SBF1: variants seen among roughly 807,000 people sequenced by gnomAD.
The protein encoded by SBF1 is SET binding factor 1.
A neutral mutation model predicts 215.8 loss-of-function variants in SBF1; 65 were observed. The observed-to-expected ratio is 0.30, with a 90% confidence interval of 0.25 to 0.37. SBF1 has a LOEUF of 0.37. Among genes scored for constraint, SBF1 ranks in the 10% least tolerant of loss-of-function variants. The probability of loss-of-function intolerance (pLI) is 1.00; values close to 1 mark genes in which losing one functional copy is unlikely to be tolerated. For synonymous variants in SBF1, 1,410 were observed against 1,122.8 expected, an observed-to-expected ratio of 1.26 and a Z score of -5.11; for missense variants, 2,634 against 2,667.8, an observed-to-expected ratio of 0.99 and a Z score of 0.28.
At position 50,460,260 on chromosome 22, in the gene SBF1, C is replaced by T. The variant is rs753794307; in HGVS notation, c.3283+12G>A. The stretch of plus-strand genomic sequence containing the variant: ...CCAGAGACCACCCAGGACTCCACCC[C>T]CACCCCTCCACCTGAGATCTCGTCC... On this transcript the variant is annotated intron_variant, in intron 25 of 40. Coordinates refer to ENST00000380817, the MANE Select transcript of SBF1 (RefSeq NM_002972.4). 6.2e-7 allele frequency: 1 copy of T among 1,601,232 alleles called. No homozygotes were observed. Among genetic ancestry groups the T allele is most frequent in the Non-Finnish European group, 8.5e-7 (1 of 1,171,708 alleles).
intron 23 of SBF1, 101 bp downstream of exon 23, chr22:50,461,058 T>C (rs1430745532): frequency 2.1e-6 from 3 of 1,443,658 alleles, no homozygotes; most frequent in East Asian, 4.7e-5. Context: ...ACAGGGCCAC[T>C]GCTGGAGACT....
chr22:50,453,121 A>G (rs2067112752), intron 36 of SBF1, among the ~76,000 whole-genome samples: 1 of 152,252 alleles, frequency 6.6e-6, no homozygotes, highest in Middle Eastern at 3.2e-3. Context: ...TAGACTGGAT[A>G]ACAAGAAGAC....
rs1016420533 is a variant in SBF1, at chr22:50,468,576, C to T, written c.56-115G>A. On this transcript the variant is annotated intron_variant, in intron 1 of 40. Coordinates refer to ENST00000380817, the MANE Select transcript of SBF1 (RefSeq NM_002972.4). The stretch of plus-strand genomic sequence containing the variant: ...ACTGGGCCCTCATCTGGCACCAGAT[C>T]AGCCACAGCTCCCTAAAAATAGCTC... The T allele has an allele frequency of 2.2e-5, 15 of 677,294 alleles. No individual in the cohort carries two copies. In the African/African-American group the frequency reaches 2.8e-4, roughly 13 times the overall value. The allele number at this position is 677,294 out of a possible 1,614,324, so 42.0% of individuals were successfully genotyped here.
At chr22:50,461,365 T>C (rs1046722021) in intron 22 of SBF1, 79 bp from the exon 23 acceptor site, 20 of 1,530,202 alleles carry the variant, frequency 1.3e-5, no homozygotes, top group Admixed American at 3.9e-5. Context: ...ACCACAGTTA[T>C]GGGGAATCCC....
At chr22:50,469,223 C>A (rs748067679) in intron 1 of SBF1, among the ~76,000 whole-genome samples, 34 of 152,222 alleles carry the variant, frequency 2.2e-4, no homozygotes, top group Admixed American at 6.5e-5. Context: ...GTGGTCACAC[C>A]CAGGCCTGCT....
chr22:50,466,789 G>A (rs1398917080), intron 5 of SBF1, 79 bp from the exon 6 acceptor site: 1 of 1,023,736 alleles, frequency 9.8e-7, no homozygotes, highest in East Asian at 2.7e-5. Flanking sequence ...GTGTCCCCAG[G>A]CAGACCCTGG....
rs369626870 is a variant in SBF1 at position 50,460,103 on chromosome 22, C to T, written c.3340G>A (p.Asp1114Asn). The change falls in exon 26 of 41, where the codon GAC (aspartate) becomes AAC (asparagine). Residue 1114 changes from aspartate to asparagine, a missense_variant. Transcript: ENST00000380817. ...LTPSSALKPSDRMTMSSLVER... is the reference protein window; with the variant it reads ...LTPSSALKPSNRMTMSSLVER... Reference sequence around the variant, plus strand: ...ACCAGGCTGCTCATGGTCATGCGGTCGGAGGGCTTCAGGGCTGAGGACGGG... The same window carrying T: ...ACCAGGCTGCTCATGGTCATGCGGTTGGAGGGCTTCAGGGCTGAGGACGGG... 2.5e-5 allele frequency: 41 copies of T among 1,613,462 alleles called. No individual in the cohort carries two copies. Among genetic ancestry groups the T allele is most frequent in the Admixed American group, 6.7e-5 (4 of 59,994 alleles).
rs769700278 is a variant in SBF1 at position 50,467,424 on chromosome 22, T to C, written c.463A>G (p.Ile155Val). ...CACACATTCAGGCCCTCCACGTGGATGGCATAGATGAGGCCAAGGCTGTTC... is the reference window on the plus strand; with the variant it reads ...CACACATTCAGGCCCTCCACGTGGACGGCATAGATGAGGCCAAGGCTGTTC... ...FRNSLGLIYA[I>V]HVEGLNVCLE... Residue 155 changes from isoleucine to valine, a missense_variant, in exon 5 of 41, where the codon ATC becomes GTC. Coordinates refer to ENST00000380817, the MANE Select transcript of SBF1 (RefSeq NM_002972.4). The C allele has an allele frequency of 1.9e-6, 3 of 1,614,052 alleles. No individual in the cohort carries two copies. Among genetic ancestry groups the C allele is most frequent in the South Asian group, 1.1e-5 (1 of 91,078 alleles).
In SBF1 at chr22:50,456,615, G is replaced by T; in HGVS notation, c.3963C>A (p.Gly1321=). 1 of 1,520,936 alleles carries T rather than the reference G, an allele frequency of 6.6e-7. No individual in the cohort carries two copies. The highest frequency in any genetic ancestry group is 8.8e-7 in the Non-Finnish European group (1 of 1,136,516). 94.2% of individuals were successfully genotyped at this position (1,520,936 alleles called of 1,614,324 possible). ...GRSSGLGTDV[G]SRLAGRDALA... ...GCGCGTCTCTGCCAGCTAGCCGGGA[G>T]CCCACATCGGTGCCAAGGCCACTGC... Residue 1321 remains glycine (G), a synonymous_variant, in exon 30 of 41, where the codon GGC becomes GGA. Transcript: ENST00000380817.
In SBF1 at chr22:50,465,768, T is replaced by A. The variant is rs1271903558; in HGVS notation, c.1084A>T (p.Met362Leu). The A allele has an allele frequency of 1.9e-6, 3 of 1,604,726 alleles. No homozygotes were observed. The highest frequency in any genetic ancestry group is 2.2e-5 in the South Asian group (2 of 89,784). Reference sequence around the variant, plus strand: ...GGAGCAGCAACGACCCCCACCTGCATCTTCAGGGAGGAGGTGGATGTCGTG... The same window carrying A: ...GGAGCAGCAACGACCCCCACCTGCAACTTCAGGGAGGAGGTGGATGTCGTG... The part of the protein sequence containing the change: ...PPTTSTSSLK[M>L]QDKELRAVFL... Residue 362 changes from methionine to leucine, a missense_variant, in exon 10 of 41, where the codon ATG (methionine) becomes TTG (leucine). By Grantham distance (15) the Met-to-Leu change is conservative. Transcript: ENST00000380817.
chr22:50,474,751 GC>G, intron 1 of SBF1, 34 bp downstream of exon 1: 12 of 1,456,654 alleles, frequency 8.2e-6, no homozygotes, highest in South Asian at 1.3e-5. Context: ...TCGACCCTCG[GC>G]CCCCGGCCCT....
intron 28 of SBF1, 29 bp downstream of exon 28, chr22:50,459,226 C>T: frequency 1.3e-6 from 2 of 1,580,464 alleles, no homozygotes; most frequent in Non-Finnish European, 8.6e-7. Flanking sequence ...AGTGCCCCTG[C>T]CCCACCGTCT....
chr22:50,448,162 C>G (rs1375941897), intron 38 of SBF1, 71 bp downstream of exon 38: 1 of 1,476,594 alleles, frequency 6.8e-7, no homozygotes, highest in African/African-American at 1.4e-5. Flanking sequence ...AATCTCCCAC[C>G]AGAGGACTGC....
chr22:50,456,430 T>C (rs762205912), intron 30 of SBF1, 35 bp from the exon 31 acceptor site: 27 of 1,599,982 alleles, frequency 1.7e-5, no homozygotes, highest in African/African-American at 1.4e-4. Flanking sequence ...GTGAGACACA[T>C]GAGGCCCCAA....
intron 28 of SBF1, among the ~76,000 whole-genome samples, chr22:50,458,553 C>T (rs1030325285): frequency 2.0e-5 from 3 of 152,008 alleles, no homozygotes; most frequent in Admixed American, 6.6e-5. Flanking sequence ...CAAGACAGGG[C>T]GATTGTAAAA....
At chr22:50,474,700 C>CCGGCCCT in intron 1 of SBF1, 86 bp downstream of exon 1, 8 of 1,197,434 alleles carry the variant, frequency 6.7e-6, no homozygotes, top group Non-Finnish European at 7.9e-6. Context: ...CCCCCAGCCC[C>CCGGCCCT]CGGCCCTCGA....
intron 36 of SBF1, among the ~76,000 whole-genome samples, chr22:50,452,614 T>G (rs921095173): frequency 4.7e-5 from 7 of 148,920 alleles, no homozygotes; most frequent in African/African-American, 1.5e-4. Context: ...TCCCAGCTAC[T>G]TGGGAGGCTG....
In SBF1 at chr22:50,474,395, G is replaced by A. The variant is rs534612368; in HGVS notation, c.55+391C>T. On this transcript the variant is annotated intron_variant, in intron 1 of 40. Transcript: ENST00000380817. ...CCCTGGAGCCACTAGAGCCACAGCC[G>A]CCCGCAGCTGGCCAAGGAGAGAGCC... 3.1e-3 allele frequency among the ~76,000 whole-genome samples: 474 copies of A among 152,302 alleles called. 3 individuals carry two copies. Among genetic ancestry groups the A allele is most frequent in the Non-Finnish European group, 4.7e-3 (317 of 67,994 alleles).
In SBF1 at chr22:50,457,100, T is replaced by C; in HGVS notation, c.3838A>G (p.Arg1280Gly). Residue 1280 changes from arginine to glycine, a missense_variant, in exon 29 of 41, where the codon AGA becomes GGA. Physicochemically the swap from Arg to Gly is moderately radical, Grantham distance 125. Coordinates refer to ENST00000380817, the MANE Select transcript of SBF1 (RefSeq NM_002972.4). ...AHMGSHVPSP[R>G]ARVTTLSNPM... ...TTGGACAGCGTGGTGACCCTGGCTC[T>C]GGGGCTGGGAACTGAGGGCACAGCA... 1 of 1,487,728 alleles carries C rather than the reference T, an allele frequency of 6.7e-7. No individual in the cohort carries two copies. Among genetic ancestry groups the C allele is most frequent in the Non-Finnish European group, 8.9e-7 (1 of 1,128,090 alleles). 92.2% of individuals were successfully genotyped at this position (1,487,728 alleles called of 1,614,324 possible). A position where few individuals can be genotyped will look rare whatever the true frequency, so the allele number is the denominator to read the frequency against.
Sources: allele counts gnomAD v4.1 joint callset (sites outside exome capture counted in the v4.1 genomes callset), GRCh38; gene constraint gnomAD v4.1.1; transcripts MANE v1.5; gene names NCBI Gene and HGNC (gene_info 2026-07-23, HGNC 2026-07-21).